ZFHX3: variants seen among roughly 807,000 people sequenced by gnomAD.
ZFHX3 encodes zinc finger homeobox 3, also known as zinc finger homeobox protein 3.
Under a neutral mutation model 279.1 loss-of-function variants are expected in ZFHX3, and 42 were observed. The observed-to-expected ratio is 0.15, with a 90% confidence interval of 0.12 to 0.19. ZFHX3 has a LOEUF of 0.19. Among genes scored for constraint, ZFHX3 ranks in the 10% least tolerant of loss-of-function variants. The probability of loss-of-function intolerance (pLI) is 1.00; values close to 1 mark genes in which losing one functional copy is unlikely to be tolerated. For missense variants in ZFHX3, 4,981 were observed against 4,754.0 expected (o/e 1.05, Z -1.40); for synonymous variants, 2,293 against 1,957.8 (o/e 1.17, Z -4.52).
chr16:72,889,144 T>C (rs1471727256), intron 4 of ZFHX3, among the ~76,000 whole-genome samples: 5 of 151,958 alleles, frequency 3.3e-5, no homozygotes, highest in Admixed American at 1.3e-4. Context: ...CACTAGCAGG[T>C]CTCGACGCAT....
chr16:73,547,095 A>C (rs2020128499), intron 2 of ZFHX3, among the ~76,000 whole-genome samples: 1 of 152,126 alleles, frequency 6.6e-6, no homozygotes, highest in Non-Finnish European at 1.5e-5. Flanking sequence ...AGAAAAGAAA[A>C]AGAAATCTCT....
intron 5 of ZFHX3, among the ~76,000 whole-genome samples, chr16:73,170,805 G>T (rs906681977): frequency 6.6e-6 from 1 of 152,082 alleles, no homozygotes; most frequent in Non-Finnish European, 1.5e-5. Context: ...TCAGGAAAGG[G>T]TGTTGTCATG....
intron 8 of ZFHX3, among the ~76,000 whole-genome samples, chr16:73,075,427 G>T (rs574734225): frequency 6.6e-6 from 1 of 152,230 alleles, no homozygotes; most frequent in East Asian, 1.9e-4. Context: ...TTCATTGTTG[G>T]TATGTTTTTA....
intron 4 of ZFHX3, among the ~76,000 whole-genome samples, chr16:72,861,993 C>T (rs542494885): frequency 6.6e-6 from 1 of 152,284 alleles, no homozygotes; most frequent in South Asian, 2.1e-4. Context: ...CTAGCCTGGG[C>T]AACAGAGCAG....
At chr16:73,532,578 C>T (rs1410225611) in intron 2 of ZFHX3, among the ~76,000 whole-genome samples, 3 of 152,172 alleles carry the variant, frequency 2.0e-5, no homozygotes, top group African/African-American at 7.2e-5. Context: ...AAGAGGAGGG[C>T]TGGAACTAAG....
intron 1 of ZFHX3, among the ~76,000 whole-genome samples, chr16:73,797,413 A>G (rs576704031): frequency 6.6e-6 from 1 of 152,296 alleles, no homozygotes; most frequent in East Asian, 1.9e-4. Flanking sequence ...CTGGAACTGC[A>G]CAAAGCAACA....
chr16:73,821,151 G>GA (rs1367682804), intron 1 of ZFHX3, among the ~76,000 whole-genome samples: 1 of 152,178 alleles, frequency 6.6e-6, no homozygotes, highest in Non-Finnish European at 1.5e-5. Flanking sequence ...TTAGCCCCAA[G>GA]ACAGAAGACA....
chr16:73,824,632 A>C (rs1320088449), intron 1 of ZFHX3, among the ~76,000 whole-genome samples: 2 of 111,746 alleles, frequency 1.8e-5, no homozygotes, highest in African/African-American at 6.9e-5. Context: ...ATTCCCACCT[A>C]TGCGTGAGAA....
intron 5 of ZFHX3, among the ~76,000 whole-genome samples, chr16:73,190,081 T>C (rs1967996676): frequency 1.3e-5 from 2 of 152,222 alleles, no homozygotes; most frequent in Admixed American, 1.3e-4. Context: ...GGAAGAAGTC[T>C]TTTTGTTTCT....
intron 4 of ZFHX3, among the ~76,000 whole-genome samples, chr16:72,838,508 A>G (rs1371062200): frequency 9.2e-5 from 14 of 152,180 alleles, no homozygotes. Flanking sequence ...GCCAGGGCCT[A>G]TTAAGGCCTC....
In ZFHX3 at chr16:73,412,326, CAAAAA is replaced by C. The variant is rs60447973; in HGVS notation, c.-1291+43672_-1291+43676del. Reference sequence around the variant, plus strand: ...TGGGCAACAGAGTGAGAGACTGTTTCAAAAAAAAAAAAAAAAAAAAAAAGTAAATG... The same window carrying C: ...TGGGCAACAGAGTGAGAGACTGTTTCAAAAAAAAAAAAAAAAAAGTAAATG... On this transcript the variant is annotated intron_variant, in intron 3 of 17. Coordinates refer to the ZFHX3 transcript ENST00000641206. Among the ~76,000 whole-genome samples, 5 of 117,436 alleles carry C rather than the reference CAAAAA, an allele frequency of 4.3e-5. No individual in the cohort carries two copies. In the East Asian group the frequency reaches 8.0e-4, roughly 19 times the overall value. 77.0% of individuals were successfully genotyped at this position (117,436 alleles called of 152,430 possible).
chr16:73,315,016 T>C (rs2015412210), intron 4 of ZFHX3, among the ~76,000 whole-genome samples: 1 of 152,022 alleles, frequency 6.6e-6, no homozygotes, highest in Non-Finnish European at 1.5e-5. Flanking sequence ...TCACCTAAGG[T>C]CAGGAGTTTG....
chr16:73,736,084 C>G (rs549649763), intron 1 of ZFHX3, among the ~76,000 whole-genome samples: 1 of 152,172 alleles, frequency 6.6e-6, no homozygotes, highest in South Asian at 2.1e-4. Context: ...GCACACACAG[C>G]TCCTTGAGGC....
At chr16:73,236,534 G>C (rs1251758911) in intron 5 of ZFHX3, among the ~76,000 whole-genome samples, 4 of 152,104 alleles carry the variant, frequency 2.6e-5, no homozygotes, top group Admixed American at 6.5e-5. Flanking sequence ...AGAGGCAGAG[G>C]TTGTAGTGAG....
At chr16:73,736,639 G>C (rs1241642175) in intron 1 of ZFHX3, among the ~76,000 whole-genome samples, 1 of 152,232 alleles carries the variant, frequency 6.6e-6, no homozygotes, top group African/African-American at 2.4e-5. Flanking sequence ...TTCCTCAGTG[G>C]AGAGTACAGA....
At chr16:73,868,783 C>CTTTCT (rs1555505877) in intron 1 of ZFHX3, among the ~76,000 whole-genome samples, 12 of 151,772 alleles carry the variant, frequency 7.9e-5, no homozygotes, top group African/African-American at 2.4e-4. Context: ...TTCTTTCTTT[C>CTTTCT]TTTTTTTAAT....
intron 3 of ZFHX3, among the ~76,000 whole-genome samples, chr16:73,384,776 G>T (rs2016870391): frequency 6.6e-6 from 1 of 152,154 alleles, no homozygotes; most frequent in Admixed American, 6.5e-5. Context: ...ATTGCCTTTT[G>T]ACTTCCAGCA....
chr16:73,337,795 T>C lies in ZFHX3; in HGVS notation c.-1290-19459A>G, dbSNP rs559610970. On this transcript the variant is annotated intron_variant, in intron 3 of 17. Transcript: ENST00000641206. Reference sequence around the variant, plus strand: ...ACCAGCAACGTCATCACTTCTAAAATGCTCTTTTAGAAGCATCCCTCTCTT... The same window carrying C: ...ACCAGCAACGTCATCACTTCTAAAACGCTCTTTTAGAAGCATCCCTCTCTT... Among the ~76,000 whole-genome samples, 4 of 151,144 alleles carry C rather than the reference T, an allele frequency of 2.6e-5. No individual in the cohort carries two copies. The East Asian group carries it at 5.9e-4, about 22-fold the overall frequency.
intron 5 of ZFHX3, among the ~76,000 whole-genome samples, chr16:73,157,027 T>A (rs1420563206): frequency 1.3e-5 from 2 of 152,158 alleles, no homozygotes; most frequent in African/African-American, 2.4e-5. Context: ...GCTTATTTTT[T>A]AATTTTTTTG....
Sources: gnomAD v4.1 joint callset for allele counts (sites outside exome capture counted in the v4.1 genomes callset) on GRCh38, gnomAD v4.1.1 for gene constraint, MANE v1.5 for transcripts, NCBI Gene and HGNC (gene_info 2026-07-23, HGNC 2026-07-21) for gene names.